RPGRIP1: variants seen among roughly 807,000 people sequenced by gnomAD.
RPGRIP1 encodes the protein RPGR interacting protein 1, also known as X-linked retinitis pigmentosa GTPase regulator-interacting protein 1.
In RPGRIP1, 128 loss-of-function variants were observed where a neutral mutation model predicts 157.9. The ratio of observed to expected loss-of-function variants is 0.81; its 90% confidence interval spans 0.70 to 0.94. The LOEUF (loss-of-function observed/expected upper bound fraction) is 0.94, where lower values mean the gene tolerates loss of function less well. RPGRIP1 is among the 40% of genes least tolerant of loss of function. The probability of loss-of-function intolerance (pLI) is 0.00; values close to 1 mark genes in which losing one functional copy is unlikely to be tolerated. For missense variants in RPGRIP1, 1,486 were observed against 1,545.8 expected (o/e 0.96, Z 0.65); for synonymous variants, 554 against 571.6 (o/e 0.97, Z 0.44).
intron 11 of RPGRIP1, 53 bp downstream of exon 11, chr14:21,317,903 T>C: frequency 6.8e-7 from 1 of 1,472,340 alleles, no homozygotes; most frequent in South Asian, 1.3e-5. Context: ...TACCTCTGGT[T>C]TGGGAGAAGA....
At chr14:21,297,857 C>CTTTCTTTCTTTCTTTCTTTCTTTCTTTT (rs1880857570) in intron 3 of RPGRIP1, among the ~76,000 whole-genome samples, 1 of 149,932 alleles carries the variant, frequency 6.7e-6, no homozygotes, top group Non-Finnish European at 1.5e-5. Context: ...TTCTTTCTTT[C>CTTTCTTTCTTTCTTTCTTTCTTTCTTTT]TTTCTTTCTT....
intron 2 of RPGRIP1, among the ~76,000 whole-genome samples, 158 bp from the exon 3 acceptor site, chr14:21,294,519 C>T (rs573666539): frequency 6.6e-5 from 10 of 152,050 alleles, no homozygotes; most frequent in Non-Finnish European, 1.2e-4. Flanking sequence ...TGAGCCACTG[C>T]GCCTGGCCCA....
chr14:21,320,447 C>A (rs1882297953), intron 12 of RPGRIP1, among the ~76,000 whole-genome samples: 1 of 151,834 alleles, frequency 6.6e-6, no homozygotes, highest in African/African-American at 2.4e-5. Flanking sequence ...CCCGCCACCT[C>A]GCCCGGTTAA....
At chr14:21,290,536 G>A (rs1484349605) in intron 2 of RPGRIP1, among the ~76,000 whole-genome samples, 1 of 152,118 alleles carries the variant, frequency 6.6e-6, no homozygotes, top group East Asian at 1.9e-4. Flanking sequence ...TTAAGGCCGG[G>A]CACGGTGGCT....
intron 22 of RPGRIP1, among the ~76,000 whole-genome samples, chr14:21,344,762 G>A (rs1026550653): frequency 1.7e-4 from 26 of 152,192 alleles, no homozygotes; most frequent in African/African-American, 7.2e-5. Context: ...CCTGGCCAAC[G>A]TGGCAAAACC....
chr14:21,295,476 AGATTTTTT>A (rs1880730488), intron 3 of RPGRIP1, among the ~76,000 whole-genome samples: 2 of 96,858 alleles, frequency 2.1e-5, no homozygotes, highest in Non-Finnish European at 4.0e-5. Flanking sequence ...TTTATTTTTG[AGATTTTTT>A]TTTTTTTTTT....
chr14:21,342,977 G>T lies in RPGRIP1; in HGVS notation c.3340-59G>T, dbSNP rs115045255. On this transcript the variant is annotated intron_variant, in intron 21 of 24. Coordinates refer to ENST00000400017, the MANE Select transcript of RPGRIP1 (RefSeq NM_020366.4). ...TACCGTAATGGGTTAATTGGATGGC[G>T]TATAAGCACTTGGAGCCTCACTAAC... The T allele has an allele frequency of 2.4e-6, 3 of 1,253,722 alleles. No homozygotes were observed. In the Admixed American group the frequency reaches 5.4e-5, roughly 23 times the overall value. The allele number at this position is 1,253,722 out of a possible 1,614,324, so 77.7% of individuals were successfully genotyped here.
rs1375504755 is a variant in RPGRIP1 at position 21,330,392 on chromosome 14, T to A, written c.3238+5T>A. On this transcript the variant is annotated splice_donor_5th_base_variant and intron_variant, in intron 20 of 24. Transcript: ENST00000400017. ...AACCTCTACATCCTGTAAATGGTAT[T>A]GTCTTTTAAAATCTATTTTTTTTCC... 10 of 1,493,942 alleles carry A rather than the reference T, an allele frequency of 6.7e-6. No homozygotes were observed. The highest frequency in any genetic ancestry group is 8.9e-6 in the Non-Finnish European group (10 of 1,127,472). 92.5% of individuals were successfully genotyped at this position (1,493,942 alleles called of 1,614,324 possible).
At chr14:21,342,362 GC>G (rs2139332664) in intron 21 of RPGRIP1, among the ~76,000 whole-genome samples, 1 of 152,074 alleles carries the variant, frequency 6.6e-6, no homozygotes, top group East Asian at 1.9e-4. Flanking sequence ...GGGCAACATA[GC>G]AAGACCATAT....
chr14:21,302,267 C>G (rs899463567), intron 4 of RPGRIP1, among the ~76,000 whole-genome samples: 1 of 151,900 alleles, frequency 6.6e-6, no homozygotes, highest in African/African-American at 2.4e-5. Context: ...CTTTTTTCTT[C>G]CTATTTGTAC....
chr14:21,313,763 G>T (rs1274488083), intron 10 of RPGRIP1, among the ~76,000 whole-genome samples: 2 of 150,772 alleles, frequency 1.3e-5, no homozygotes, highest in Non-Finnish European at 2.9e-5. Flanking sequence ...ACTTCAGCCT[G>T]GGTGGCACAG....
intron 1 of RPGRIP1, among the ~76,000 whole-genome samples, chr14:21,281,018 TTTTC>T (rs1396353554): frequency 2.7e-4 from 41 of 149,742 alleles, no homozygotes; most frequent in African/African-American, 1.0e-3. Flanking sequence ...TACCTTGGGC[TTTTC>T]TTTTTTTTTT....
chr14:21,296,975 A>G (rs994924414), intron 3 of RPGRIP1, among the ~76,000 whole-genome samples: 15 of 151,992 alleles, frequency 9.9e-5, no homozygotes, highest in African/African-American at 3.6e-4. Context: ...AAAAGTATTA[A>G]TTCATTTAAT....
At chr14:21,283,591 G>A (rs1211211209) in intron 1 of RPGRIP1, among the ~76,000 whole-genome samples, 13 of 151,836 alleles carry the variant, frequency 8.6e-5, no homozygotes, top group Admixed American at 7.9e-4. Context: ...ATGAGCCACT[G>A]TGCCCAGCCC....
chr14:21,299,946 C>T (rs1880952364), intron 3 of RPGRIP1, among the ~76,000 whole-genome samples: 1 of 152,164 alleles, frequency 6.6e-6, no homozygotes, highest in African/African-American at 2.4e-5. Flanking sequence ...TCTCTTGTTA[C>T]AAGGCCACAG....
intron 11 of RPGRIP1, among the ~76,000 whole-genome samples, chr14:21,319,265 G>T (rs1350914613): frequency 6.6e-6 from 1 of 151,998 alleles, no homozygotes; most frequent in African/African-American, 2.4e-5. Context: ...TTTATTCCCT[G>T]AAAAACACAC....
At chr14:21,331,831 A>T (rs1883824809) in intron 20 of RPGRIP1, among the ~76,000 whole-genome samples, 1 of 151,920 alleles carries the variant, frequency 6.6e-6, no homozygotes, top group South Asian at 2.1e-4. Context: ...TTTAATAATG[A>T]GAGGAAAAAT....
chr14:21,285,022 C>G (rs1454963984), intron 1 of RPGRIP1, among the ~76,000 whole-genome samples: 2 of 152,062 alleles, frequency 1.3e-5, no homozygotes, highest in Non-Finnish European at 2.9e-5. Context: ...GTGCCAATAA[C>G]TGTTCGGGTA....
At chr14:21,322,504 C>G (rs1052658898) in intron 14 of RPGRIP1, among the ~76,000 whole-genome samples, 2 of 152,104 alleles carry the variant, frequency 1.3e-5, no homozygotes, top group African/African-American at 4.8e-5. Context: ...TTCCCTCCAT[C>G]ATGTTTTTCT....
Sources: gnomAD v4.1 joint callset for allele counts (sites outside exome capture counted in the v4.1 genomes callset) on GRCh38, gnomAD v4.1.1 for gene constraint, MANE v1.5 for transcripts, NCBI Gene and HGNC (gene_info 2026-07-23, HGNC 2026-07-21) for gene names.